Variants in CRISPLD2 observed in about 807,000 individuals in gnomAD.
CRISPLD2 encodes the protein cysteine-rich secretory protein LCCL domain-containing 2.
Under a neutral mutation model 71.1 loss-of-function variants are expected in CRISPLD2, and 47 were observed. The observed-to-expected ratio is 0.66, with a 90% CI of 0.52 to 0.84. The LOEUF (loss-of-function observed/expected upper bound fraction) is 0.84, where lower values mean the gene tolerates loss of function less well. CRISPLD2 is among the 40% of genes least tolerant of loss of function. The pLI, the probability that CRISPLD2 is intolerant of heterozygous loss-of-function variation, is 0.00. For missense variants in CRISPLD2, 830 were observed against 651.1 expected (o/e 1.27, Z -2.99); for synonymous variants, 317 against 250.1 (o/e 1.27, Z -2.52).
chr16:84,905,008 C>T (rs554684272), intron 14 of CRISPLD2, among the ~76,000 whole-genome samples: 7 of 152,222 alleles, frequency 4.6e-5, no homozygotes, highest in South Asian at 2.1e-4. Context: ...AGGCCAGGCA[C>T]GGTGGCTCAC....
intron 13 of CRISPLD2, among the ~76,000 whole-genome samples, chr16:84,882,260 G>T (rs2071574253): frequency 7.0e-6 from 1 of 142,942 alleles, no homozygotes; most frequent in South Asian, 2.3e-4. Flanking sequence ...ACAAAGTAAT[G>T]TTACACAATG....
chr16:84,896,573 G>T (rs1281594050), intron 14 of CRISPLD2, among the ~76,000 whole-genome samples: 5 of 152,152 alleles, frequency 3.3e-5, no homozygotes, highest in Non-Finnish European at 5.9e-5. Context: ...ATAGGCCTGT[G>T]TTAGGTGATT....
intron 1 of CRISPLD2, chr16:84,829,130 G>T (rs890541005): frequency 1.3e-5 from 2 of 152,262 alleles, no homozygotes; most frequent in African/African-American, 2.4e-5. Context: ...AGGAGAGAAG[G>T]TGCCTTGTGG....
At chr16:84,848,934 C>G (rs1443520648) in intron 3 of CRISPLD2, among the ~76,000 whole-genome samples, 1 of 139,512 alleles carries the variant, frequency 7.2e-6, no homozygotes, top group East Asian at 2.2e-4. Context: ...TGCAGTGAGC[C>G]GAGATCCCGC....
chr16:84,865,159 T>A (rs940076170), intron 6 of CRISPLD2, among the ~76,000 whole-genome samples: 9 of 151,128 alleles, frequency 6.0e-5, no homozygotes, highest in Non-Finnish European at 1.3e-4. Flanking sequence ...AACTTGGATT[T>A]TTTTTTTTTT....
At chr16:84,901,962 TTTTG>T (rs2071758609) in intron 14 of CRISPLD2, among the ~76,000 whole-genome samples, 7 of 151,608 alleles carry the variant, frequency 4.6e-5, no homozygotes, top group South Asian at 2.1e-4. Context: ...CCCAGCTAAT[TTTTG>T]TTTTTGTATT....
At chr16:84,853,574 G>C (rs768804666) in intron 5 of CRISPLD2, among the ~76,000 whole-genome samples, 3 of 152,200 alleles carry the variant, frequency 2.0e-5, no homozygotes, top group Admixed American at 6.5e-5. Flanking sequence ...TTCTGGGGCC[G>C]CGGGAAGTTC....
chr16:84,871,936 G>A (rs2934491), intron 8 of CRISPLD2, among the ~76,000 whole-genome samples: 61,372 of 147,664 alleles, frequency 0.42, 13,405 homozygotes, highest in East Asian at 0.65. Context: ...GGATTCAACC[G>A]GCCTCTGATT....
intron 13 of CRISPLD2, among the ~76,000 whole-genome samples, chr16:84,881,170 T>A (rs917088358): frequency 2.0e-5 from 3 of 152,212 alleles, no homozygotes; most frequent in African/African-American, 7.2e-5. Context: ...ATGCTTCAGA[T>A]AGTTCATTTT....
rs181171638 is a variant in CRISPLD2, at chr16:84,849,528, G to A, written c.492+11G>A. ...ACGCACTACACACAGGTAACTCGGG[G>A]ACTTGCCACGACCTCAGCCCTGCCC... On this transcript the variant is annotated intron_variant, in intron 4 of 14. Coordinates refer to ENST00000262424, the MANE Select transcript of CRISPLD2 (RefSeq NM_031476.4). The A allele has an allele frequency of 1.0e-3, 1,689 of 1,612,710 alleles. 4 individuals carry two copies. The highest frequency in any genetic ancestry group is 3.9e-3 in the Middle Eastern group (23 of 5,970).
intron 6 of CRISPLD2, among the ~76,000 whole-genome samples, chr16:84,861,729 G>T (rs1188570036): frequency 6.6e-6 from 1 of 152,190 alleles, no homozygotes; most frequent in Non-Finnish European, 1.5e-5. Flanking sequence ...TTCTAGATCA[G>T]CCTGGACAAC....
rs901093113 is a variant in CRISPLD2 at position 84,849,313 on chromosome 16, C to G, written c.360-72C>G. 9.1e-5 allele frequency: 132 copies of G among 1,452,340 alleles called. 4 individuals are homozygous for G. In the South Asian group the frequency reaches 1.1e-3, roughly 12 times the overall value. 90.0% of individuals were successfully genotyped at this position (1,452,340 alleles called of 1,614,324 possible). ...TCGGCCTCCCTCCCTCCTACCTGCC[C>G]GTGGCTGCTGCTGTCTCCACTGGTG... is the stretch of plus-strand genomic sequence containing the variant. On this transcript the variant is annotated intron_variant, in intron 3 of 14. Coordinates refer to ENST00000262424, the MANE Select transcript of CRISPLD2 (RefSeq NM_031476.4).
At chr16:84,889,455 T>C (rs2071642223) in intron 14 of CRISPLD2, 92 bp downstream of exon 14, 4 of 1,358,828 alleles carry the variant, frequency 2.9e-6, no homozygotes, top group Non-Finnish European at 3.9e-6. Flanking sequence ...CATTACCCTT[T>C]AAAATAAAAC....
intron 1 of CRISPLD2, among the ~76,000 whole-genome samples, chr16:84,823,030 C>T (rs1916266401): frequency 6.6e-6 from 1 of 152,214 alleles, no homozygotes; most frequent in South Asian, 2.1e-4. Context: ...CGCCATTCTC[C>T]TCCCTTCAGC....
chr16:84,848,794 A>G (rs1233805113), intron 3 of CRISPLD2, among the ~76,000 whole-genome samples: 1 of 152,132 alleles, frequency 6.6e-6, no homozygotes, highest in Non-Finnish European at 1.5e-5. Flanking sequence ...ATATCTGTGA[A>G]ATACGGGCTT....
intron 14 of CRISPLD2, among the ~76,000 whole-genome samples, chr16:84,889,752 TTGTGTGTGTGTG>T (rs60555979): frequency 1.0e-3 from 146 of 139,312 alleles, no homozygotes; most frequent in East Asian, 2.6e-3. Context: ...TTGTTTTTCT[TTGTGTGTGTGTG>T]TGTGTGTGTG....
chr16:84,897,246 C>G (rs948597329), intron 14 of CRISPLD2, among the ~76,000 whole-genome samples: 4 of 150,754 alleles, frequency 2.7e-5, no homozygotes, highest in Non-Finnish European at 5.9e-5. Context: ...GAGTTCAAGA[C>G]CAGCTTGACC....
At chr16:84,851,382 C>G (rs1250572762) in intron 5 of CRISPLD2, among the ~76,000 whole-genome samples, 1 of 152,224 alleles carries the variant, frequency 6.6e-6, no homozygotes, top group Non-Finnish European at 1.5e-5. Context: ...GTCACTCCCC[C>G]AGTTCATGGC....
intron 1 of CRISPLD2, among the ~76,000 whole-genome samples, chr16:84,825,213 G>C (rs1435289379): frequency 6.6e-6 from 1 of 151,770 alleles, no homozygotes; most frequent in Non-Finnish European, 1.5e-5. Flanking sequence ...CTGGATCAAG[G>C]TCGGGGAAGA....
Sources: gnomAD v4.1 joint callset for allele counts (sites outside exome capture counted in the v4.1 genomes callset) on GRCh38, gnomAD v4.1.1 for gene constraint, MANE v1.5 for transcripts, NCBI Gene and HGNC (gene_info 2026-07-23, HGNC 2026-07-21) for gene names.